Variants in LSAMP observed in about 807,000 individuals in gnomAD.
LSAMP encodes the protein limbic system-associated membrane protein.
LSAMP carries 7 observed loss-of-function variants against 38.6 expected under a neutral mutation model. The observed-to-expected ratio is 0.18, with a 90% confidence interval of 0.10 to 0.34. LSAMP has a LOEUF of 0.34. LSAMP is among the 10% of genes least tolerant of loss of function. LSAMP has a pLI of 1.00. For synonymous variants in LSAMP, 154 were observed against 166.8 expected, an observed-to-expected ratio of 0.92 and a Z score of 0.59; for missense variants, 313 against 420.0, an observed-to-expected ratio of 0.75 and a Z score of 2.23.
intron 6 of LSAMP, among the ~76,000 whole-genome samples, chr3:115,825,068 T>C (rs1412337392): frequency 1.3e-5 from 2 of 152,224 alleles, no homozygotes; most frequent in Non-Finnish European, 2.9e-5. Flanking sequence ...TCATTTTGTA[T>C]GTTTTAAAAT....
intron 3 of LSAMP, among the ~76,000 whole-genome samples, chr3:115,988,957 A>G (rs1265352794): frequency 2.0e-5 from 3 of 152,028 alleles, no homozygotes; most frequent in Non-Finnish European, 4.4e-5. Context: ...TTCTCTTGCT[A>G]TATTCCCTTC....
intron 3 of LSAMP, among the ~76,000 whole-genome samples, chr3:115,935,264 A>G (rs1387100257): frequency 1.3e-5 from 2 of 152,200 alleles, no homozygotes; most frequent in African/African-American, 4.8e-5. Flanking sequence ...TTTAGATGGA[A>G]GGAAGACTTG....
At chr3:115,885,730 T>A (rs763152133) in intron 3 of LSAMP, among the ~76,000 whole-genome samples, 20 of 151,676 alleles carry the variant, frequency 1.3e-4, no homozygotes, top group Non-Finnish European at 8.8e-5. Flanking sequence ...ATCGGAATAC[T>A]GGAAACAACT....
intron 1 of LSAMP, among the ~76,000 whole-genome samples, chr3:116,316,354 A>T (rs1370438213): frequency 6.6e-6 from 1 of 152,212 alleles, no homozygotes; most frequent in Non-Finnish European, 1.5e-5. Context: ...GTTATCATTC[A>T]TCAAAGTACC....
chr3:116,196,487 C>T (rs1247230571), intron 1 of LSAMP, among the ~76,000 whole-genome samples: 1 of 152,090 alleles, frequency 6.6e-6, no homozygotes, highest in Admixed American at 6.6e-5. Context: ...TCAAGTAGAT[C>T]ATAACTAGTA....
intron 3 of LSAMP, among the ~76,000 whole-genome samples, chr3:116,015,922 T>C (rs1049793164): frequency 1.3e-5 from 2 of 152,114 alleles, no homozygotes; most frequent in African/African-American, 2.4e-5. Flanking sequence ...AATATCCCTG[T>C]GGGGTCGAGT....
intron 1 of LSAMP, among the ~76,000 whole-genome samples, chr3:116,204,015 C>A (rs1018992209): frequency 1.3e-5 from 2 of 151,688 alleles, no homozygotes; most frequent in Non-Finnish European, 2.9e-5. Flanking sequence ...ACAGTCCCAC[C>A]AACAGTGTAA....
chr3:116,401,207 TA>T (rs1225541864), intron 1 of LSAMP, among the ~76,000 whole-genome samples: 1 of 152,212 alleles, frequency 6.6e-6, no homozygotes, highest in Admixed American at 6.5e-5. Context: ...AGAGATTTAT[TA>T]AAGAGAAACT....
At chr3:116,116,726 G>GATAATA (rs144004075) in intron 1 of LSAMP, among the ~76,000 whole-genome samples, 5 of 149,884 alleles carry the variant, frequency 3.3e-5, no homozygotes, top group South Asian at 2.1e-4. Context: ...AAATAATAAT[G>GATAATA]ATAATAATAA....
intron 1 of LSAMP, among the ~76,000 whole-genome samples, chr3:116,165,378 C>A (rs1710024564): frequency 6.6e-6 from 1 of 152,162 alleles, no homozygotes; most frequent in African/African-American, 2.4e-5. Flanking sequence ...CAGTGCAATT[C>A]CTATCTTGTT....
At chr3:115,939,164 C>T (rs1270101552) in intron 3 of LSAMP, among the ~76,000 whole-genome samples, 2 of 152,044 alleles carry the variant, frequency 1.3e-5, no homozygotes, top group African/African-American at 4.8e-5. Context: ...TAATAAAAAG[C>T]AGGTTCTAAT....
At chr3:116,268,200 G>A (rs935138016) in intron 1 of LSAMP, among the ~76,000 whole-genome samples, 18 of 140,624 alleles carry the variant, frequency 1.3e-4, no homozygotes, top group Non-Finnish European at 2.1e-4. Flanking sequence ...ATTAGGAGTG[G>A]CCATTAAAAA....
chr3:116,282,768 C>G (rs1392743624), intron 1 of LSAMP, among the ~76,000 whole-genome samples: 1 of 151,832 alleles, frequency 6.6e-6, no homozygotes, highest in East Asian at 1.9e-4. Flanking sequence ...CCCCACCCCC[C>G]AAAAAAATGA....
rs570990543 is a variant in LSAMP at position 116,324,732 on chromosome 3, T to C, written c.155+120145A>G. On this transcript the variant is annotated intron_variant, in intron 1 of 6. Transcript: ENST00000490035. ...CTCATGAGCTAAGAGGAATTATTTTTCTCTTCTTCAGCTTGTCTTTTCTAA... is the reference window on the plus strand; with the variant it reads ...CTCATGAGCTAAGAGGAATTATTTTCCTCTTCTTCAGCTTGTCTTTTCTAA... 1.8e-4 allele frequency among the ~76,000 whole-genome samples: 27 copies of C among 152,276 alleles called. No individual in the cohort carries two copies. In the South Asian group the frequency reaches 5.4e-3, roughly 30 times the overall value.
intron 1 of LSAMP, among the ~76,000 whole-genome samples, chr3:116,228,712 T>C (rs2046368855): frequency 6.6e-6 from 1 of 152,090 alleles, no homozygotes; most frequent in African/African-American, 2.4e-5. Flanking sequence ...AGAGGCCAAT[T>C]CTAAGTGTTA....
chr3:116,249,042 G>A (rs763360274), intron 1 of LSAMP, among the ~76,000 whole-genome samples: 3 of 151,650 alleles, frequency 2.0e-5, no homozygotes, highest in South Asian at 2.1e-4. Flanking sequence ...CCAGCTACTC[G>A]GGTGGCTGAG....
rs528210239 is a variant in LSAMP, at chr3:116,229,422, T to C, written c.156-142866A>G. ...ATTAAGTTGAATTCTTGAAGATGAA[T>C]AGATACAGGCAATTGCCAACATACA... is the stretch of plus-strand genomic sequence containing the variant. On this transcript the variant is annotated intron_variant, in intron 1 of 6. Transcript: ENST00000490035. Among the ~76,000 whole-genome samples, 15 of 152,222 alleles carry C rather than the reference T, an allele frequency of 9.9e-5. No individual in the cohort carries two copies. The South Asian group carries it at 1.9e-3, about 19-fold the overall frequency.
At chr3:116,087,573 G>A (rs1220592617) in intron 1 of LSAMP, among the ~76,000 whole-genome samples, 1 of 152,166 alleles carries the variant, frequency 6.6e-6, no homozygotes, top group East Asian at 1.9e-4. Flanking sequence ...CAGCTGCAAA[G>A]CCAGCTGCTC....
At chr3:115,958,126 T>G (rs1286801641) in intron 3 of LSAMP, among the ~76,000 whole-genome samples, 1 of 152,184 alleles carries the variant, frequency 6.6e-6, no homozygotes, top group East Asian at 1.9e-4. Flanking sequence ...ATAGTTTGGC[T>G]CATTTTAGGA....
Sources: gnomAD v4.1 joint callset for allele counts (sites outside exome capture counted in the v4.1 genomes callset) on GRCh38, gnomAD v4.1.1 for gene constraint, MANE v1.5 for transcripts, NCBI Gene and HGNC (gene_info 2026-07-23, HGNC 2026-07-21) for gene names.